The following LINGO1 variants were observed in gnomAD, a reference collection of about 807,000 sequenced individuals.
LINGO1 encodes the protein leucine-rich repeat and immunoglobulin-like domain-containing nogo receptor-interacting protein 1.
Under a neutral mutation model 37.3 loss-of-function variants are expected in LINGO1, and 11 were observed. The ratio of observed to expected loss-of-function variants is 0.29; its 90% CI spans 0.19 to 0.49. The LOEUF (loss-of-function observed/expected upper bound fraction) is 0.49, where lower values mean the gene tolerates loss of function less well. Among genes scored for constraint, LINGO1 ranks in the 20% least tolerant of loss-of-function variants. The probability of loss-of-function intolerance (pLI) is 0.99; values close to 1 mark genes in which losing one functional copy is unlikely to be tolerated. For missense variants in LINGO1, 585 were observed against 878.2 expected (o/e 0.67, Z 4.22); for synonymous variants, 387 against 403.0 (o/e 0.96, Z 0.48).
In LINGO1 at chr15:77,717,316, G is replaced by A. The variant is rs560076149; in HGVS notation, c.-195+17676C>T. Among the ~76,000 whole-genome samples the A allele has an allele frequency of 2.5e-4, 38 of 150,942 alleles. 2 individuals are homozygous for A. Among genetic ancestry groups the A allele is most frequent in the African/African-American group, 8.7e-4 (36 of 41,526 alleles). ...AAAATTGAAATCATAAAATAGACAC[G>A]TAAATACAGTGGAGGTGAGGGGGGG... is the stretch of plus-strand genomic sequence containing the variant. On this transcript the variant is annotated intron_variant, in intron 2 of 3. Coordinates refer to the LINGO1 transcript ENST00000561686.
At chr15:77,618,375 A>G (rs2073800968) in intron 1 of LINGO1, among the ~76,000 whole-genome samples, 1 of 151,812 alleles carries the variant, frequency 6.6e-6, no homozygotes, top group Non-Finnish European at 1.5e-5. Context: ...TGTCCTGCAC[A>G]CTCCTACCTC....
At chr15:77,628,167 A>T (rs1189866967) in intron 1 of LINGO1, among the ~76,000 whole-genome samples, 1 of 152,226 alleles carries the variant, frequency 6.6e-6, no homozygotes, top group Non-Finnish European at 1.5e-5. Flanking sequence ...TCCTAGTAAG[A>T]GTGAATGCGA....
At chr15:77,683,074 C>T (rs763669388) in intron 2 of LINGO1, among the ~76,000 whole-genome samples, 4 of 152,180 alleles carry the variant, frequency 2.6e-5, no homozygotes, top group East Asian at 1.9e-4. Flanking sequence ...GGGCAAAGGA[C>T]GTGAACAGTC....
At chr15:77,697,072 AGC>A (rs1206464823), upstream of LINGO1, among the ~76,000 whole-genome samples, 1 of 152,196 alleles carries the variant, frequency 6.6e-6, no homozygotes, top group African/African-American at 2.4e-5. Flanking sequence ...GGAGGGCAGG[AGC>A]TTAAGGCTGC....
intron 2 of LINGO1, among the ~76,000 whole-genome samples, chr15:77,685,971 G>A (rs2075502951): frequency 6.6e-6 from 1 of 152,188 alleles, no homozygotes; most frequent in South Asian, 2.1e-4. Context: ...CCTGGGGCCT[G>A]GGCTTCCCCA....
chr15:77,768,170 C>T (rs993030871), intron 1 of LINGO1, among the ~76,000 whole-genome samples: 10 of 152,152 alleles, frequency 6.6e-5, no homozygotes, highest in Admixed American at 2.0e-4. Context: ...ACCCACCCAC[C>T]AGGACCCCAG....
At chr15:77,703,453 A>T (rs1265864005) in intron 2 of LINGO1, among the ~76,000 whole-genome samples, 1 of 152,108 alleles carries the variant, frequency 6.6e-6, no homozygotes, top group African/African-American at 2.4e-5. Flanking sequence ...GGGCCCCTCC[A>T]CTACTAACAC....
chr15:77,780,349 G>A (rs1217693821), intron 1 of LINGO1, among the ~76,000 whole-genome samples: 4 of 152,114 alleles, frequency 2.6e-5, no homozygotes, highest in South Asian at 2.1e-4. Context: ...TGGCCAACAC[G>A]CAGCCTAGGC....
intron 1 of LINGO1, among the ~76,000 whole-genome samples, chr15:77,816,978 AGAG>A (rs2077053353): frequency 7.8e-5 from 1 of 12,842 alleles, no homozygotes; most frequent in Non-Finnish European, 1.1e-3. Context: ...AGGAGCTGAG[AGAG>A]AGAGAGAGAA....
intron 1 of LINGO1, among the ~76,000 whole-genome samples, chr15:77,810,022 C>T (rs1236043749): frequency 6.6e-6 from 1 of 151,914 alleles, no homozygotes; most frequent in African/African-American, 2.4e-5. Flanking sequence ...CTCTCCCACC[C>T]TCCTCCCCCA....
At chr15:77,784,044 G>A (rs1369551739) in intron 1 of LINGO1, among the ~76,000 whole-genome samples, 2 of 152,250 alleles carry the variant, frequency 1.3e-5, no homozygotes, top group Non-Finnish European at 2.9e-5. Context: ...CCCGAGGCAA[G>A]GGAGCTGGGG....
intron 2 of LINGO1, among the ~76,000 whole-genome samples, chr15:77,708,141 T>C (rs951694024): frequency 6.6e-6 from 1 of 152,218 alleles, no homozygotes; most frequent in African/African-American, 2.4e-5. Flanking sequence ...TTTATAGTGT[T>C]AGACATCAAG....
intron 2 of LINGO1, among the ~76,000 whole-genome samples, chr15:77,678,891 T>C (rs1256705487): frequency 6.6e-6 from 1 of 151,936 alleles, no homozygotes; most frequent in East Asian, 1.9e-4. Context: ...GGTTTTTTTG[T>C]TTTTTGTTTT....
intron 1 of LINGO1, among the ~76,000 whole-genome samples, chr15:77,806,483 C>A (rs1596248648): frequency 1.3e-5 from 2 of 152,258 alleles, no homozygotes; most frequent in East Asian, 3.9e-4. Flanking sequence ...GCCTTCAGGT[C>A]CCTGGGGCGA....
In LINGO1 at chr15:77,728,733, G is replaced by A. The variant is rs543330177; in HGVS notation, c.-195+6259C>T. ...TGCTTGGAATGTAGTCCAGACTGCCGAGGTTCAAATCCCCACTCTGCCACT... is the reference window on the plus strand; with the variant it reads ...TGCTTGGAATGTAGTCCAGACTGCCAAGGTTCAAATCCCCACTCTGCCACT... On this transcript the variant is annotated intron_variant, in intron 2 of 3. Transcript: ENST00000561686. 1.3e-4 allele frequency among the ~76,000 whole-genome samples: 20 copies of A among 152,344 alleles called. 1 individual carries two copies. The highest frequency in any genetic ancestry group is 3.6e-4 in the African/African-American group (15 of 41,574).
rs188565619 is a variant in LINGO1 at position 77,720,181 on chromosome 15, C to T, written c.-195+14811G>A. Among the ~76,000 whole-genome samples, 45 of 135,686 alleles carry T rather than the reference C, an allele frequency of 3.3e-4. 2 individuals are homozygous for T. The highest frequency in any genetic ancestry group is 1.0e-3 in the African/African-American group (41 of 40,466). 89.0% of individuals were successfully genotyped at this position (135,686 alleles called of 152,430 possible). ...ACTCCAATACCGATCCTGGCCCTGACACCTCAGTCCCCCACATGTAATTTT... is the reference window on the plus strand; with the variant it reads ...ACTCCAATACCGATCCTGGCCCTGATACCTCAGTCCCCCACATGTAATTTT... On this transcript the variant is annotated intron_variant, in intron 2 of 3. Transcript: ENST00000561686.
At chr15:77,737,943 C>T (rs970400860) in intron 1 of LINGO1, among the ~76,000 whole-genome samples, 2 of 152,176 alleles carry the variant, frequency 1.3e-5, no homozygotes, top group Admixed American at 1.3e-4. Flanking sequence ...TCACCAGCCT[C>T]AGCTCCCTCC....
intron 2 of LINGO1, among the ~76,000 whole-genome samples, chr15:77,721,488 C>T (rs1244932133): frequency 1.3e-5 from 2 of 152,218 alleles, no homozygotes; most frequent in African/African-American, 4.8e-5. Context: ...CCCACATCTG[C>T]CCCTTGGTGG....
In LINGO1 at chr15:77,645,356, T is replaced by C. The variant is rs372824561; in HGVS notation, c.-12-29456A>G. On this transcript the variant is annotated intron_variant, in intron 3 of 3. Transcript: ENST00000559893. ...GGGTGGGTGGGATAGGGTGGAGGCA[T>C]GGCCCTGAGGCCCACTCTTTATCAC... Among the ~76,000 whole-genome samples the C allele has an allele frequency of 1.9e-4, 29 of 152,274 alleles. 1 individual carries two copies. The highest frequency in any genetic ancestry group is 7.0e-4 in the African/African-American group (29 of 41,558).
Sources: allele counts gnomAD v4.1 joint callset (sites outside exome capture counted in the v4.1 genomes callset), GRCh38; gene constraint gnomAD v4.1.1; transcripts MANE v1.5; gene names NCBI Gene and HGNC (gene_info 2026-07-23, HGNC 2026-07-21).